The following GSG1L variants were observed in gnomAD, a reference collection of about 807,000 sequenced individuals.
GSG1L encodes GSG1 like.
Under a neutral mutation model 42.1 loss-of-function variants are expected in GSG1L, and 24 were observed. The observed-to-expected ratio is 0.57, with a 90% confidence interval of 0.41 to 0.80. GSG1L has a LOEUF of 0.80. GSG1L is among the 30% of genes least tolerant of loss of function. GSG1L has a pLI of 0.00. For missense variants in GSG1L, 445 were observed against 472.2 expected, an observed-to-expected ratio of 0.94 and a Z score of 0.53; for synonymous variants, 215 against 203.5, an observed-to-expected ratio of 1.06 and a Z score of -0.48.
intron 3 of GSG1L, among the ~76,000 whole-genome samples, chr16:27,868,952 T>A (rs761984924): frequency 1.3e-5 from 2 of 151,028 alleles, no homozygotes; most frequent in African/African-American, 4.9e-5. Context: ...GTTCCCTGGA[T>A]TGGGGAAAGG....
At chr16:27,990,651 G>A (rs1231110836) in intron 1 of GSG1L, among the ~76,000 whole-genome samples, 1 of 152,160 alleles carries the variant, frequency 6.6e-6, no homozygotes, top group African/African-American at 2.4e-5. Context: ...ACCTCAAGAA[G>A]AAAAGAATTC....
At chr16:27,849,197 C>CAAAAAAAA in intron 3 of GSG1L, among the ~76,000 whole-genome samples, 1 of 113,626 alleles carries the variant, frequency 8.8e-6, no homozygotes, top group Non-Finnish European at 1.9e-5. Flanking sequence ...GCCTCTATCC[C>CAAAAAAAA]AAAAAGAAAA....
At chr16:27,849,197 C>CCAAAAAAAAA (rs749482143) in intron 3 of GSG1L, among the ~76,000 whole-genome samples, 1 of 113,628 alleles carries the variant, frequency 8.8e-6, no homozygotes, top group African/African-American at 3.3e-5. Flanking sequence ...GCCTCTATCC[C>CCAAAAAAAAA]AAAAAGAAAA....
intron 1 of GSG1L, among the ~76,000 whole-genome samples, chr16:28,014,218 TTTGCACTA>T (rs2085755376): frequency 6.6e-6 from 1 of 152,160 alleles, no homozygotes; most frequent in South Asian, 2.1e-4. Flanking sequence ...GAAGATGACA[TTTGCACTA>T]AGCTGAAAGG....
intron 2 of GSG1L, among the ~76,000 whole-genome samples, chr16:27,955,833 A>G (rs1022341415): frequency 1.3e-5 from 2 of 151,596 alleles, no homozygotes; most frequent in Non-Finnish European, 2.9e-5. Flanking sequence ...AGCCCTAGAT[A>G]ATCATTGAGT....
chr16:27,872,282 C>G (rs929403785), intron 3 of GSG1L, among the ~76,000 whole-genome samples: 1 of 152,202 alleles, frequency 6.6e-6, no homozygotes, highest in Non-Finnish European at 1.5e-5. Context: ...CATGTCCAGT[C>G]CTAGCAGCAA....
At chr16:27,923,734 GA>G (rs11425016) in intron 2 of GSG1L, among the ~76,000 whole-genome samples, 13 of 129,054 alleles carry the variant, frequency 1.0e-4, no homozygotes, top group Non-Finnish European at 1.6e-4. Flanking sequence ...ACTCTGTCAA[GA>G]AAAAAAAAAA....
At chr16:28,006,554 C>T (rs1429709217) in intron 1 of GSG1L, among the ~76,000 whole-genome samples, 1 of 152,026 alleles carries the variant, frequency 6.6e-6, no homozygotes, top group Admixed American at 6.6e-5. Context: ...AGTGATCTGC[C>T]CACCTCGGCC....
At chr16:27,824,020 GATA>G in intron 5 of GSG1L, 1 of 677,428 alleles carries the variant, frequency 1.5e-6, no homozygotes, top group Admixed American at 2.0e-5. Flanking sequence ...CAGGGCCACA[GATA>G]ATAACGAGAT....
intron 2 of GSG1L, among the ~76,000 whole-genome samples, chr16:27,952,158 A>G (rs2084957346): frequency 6.6e-6 from 1 of 152,250 alleles, no homozygotes; most frequent in East Asian, 1.9e-4. Context: ...CCCACTATCT[A>G]TAACCTGGCC....
chr16:27,888,482 CCTTTCTTT>C lies in GSG1L; in HGVS notation c.398-3852_398-3845del, dbSNP rs57811717. 6.6e-3 allele frequency among the ~76,000 whole-genome samples: 451 copies of C among 68,462 alleles called. 2 individuals carry two copies. Among genetic ancestry groups the C allele is most frequent in the Non-Finnish European group, 7.0e-3 (250 of 35,582 alleles). 44.9% of individuals were successfully genotyped at this position (68,462 alleles called of 152,430 possible). A position where few individuals can be genotyped will look rare whatever the true frequency, so the allele number is the denominator to read the frequency against. The stretch of plus-strand genomic sequence containing the variant: ...TTTCTTTCTCTCTCTCTCTCTCTTT[CCTTTCTTT>C]CTTTCTTTCTTTCTTTCTTTCTTTC... On this transcript the variant is annotated intron_variant, in intron 2 of 6. Coordinates refer to ENST00000447459, the MANE Select transcript of GSG1L (RefSeq NM_001109763.2).
At chr16:27,993,305 T>C (rs905504740) in intron 1 of GSG1L, among the ~76,000 whole-genome samples, 10 of 152,118 alleles carry the variant, frequency 6.6e-5, no homozygotes, top group Non-Finnish European at 1.5e-4. Flanking sequence ...TGCACCACCA[T>C]GCCCAGCTAA....
intron 2 of GSG1L, among the ~76,000 whole-genome samples, chr16:27,938,960 G>C (rs2084753194): frequency 6.6e-6 from 1 of 152,050 alleles, no homozygotes; most frequent in African/African-American, 2.4e-5. Context: ...TGTGGCATTG[G>C]GACCCTCCGT....
chr16:28,030,986 G>A (rs189638807), intron 1 of GSG1L, among the ~76,000 whole-genome samples: 22 of 139,038 alleles, frequency 1.6e-4, no homozygotes, highest in African/African-American at 4.8e-4. Flanking sequence ...GATGGGTTGC[G>A]ATGGAATGGG....
chr16:27,975,594 C>T (rs2085241836), intron 1 of GSG1L, among the ~76,000 whole-genome samples: 1 of 152,164 alleles, frequency 6.6e-6, no homozygotes, highest in African/African-American at 2.4e-5. Flanking sequence ...GCACTGTGGG[C>T]TTAACCACTT....
chr16:28,009,336 T>G (rs2141154141), intron 1 of GSG1L, among the ~76,000 whole-genome samples: 1 of 152,234 alleles, frequency 6.6e-6, no homozygotes, highest in East Asian at 1.9e-4. Context: ...AAAGTGGCCT[T>G]CCTGACCCCC....
At chr16:27,808,707 C>T (rs1031655340) in intron 5 of GSG1L, among the ~76,000 whole-genome samples, 3 of 152,300 alleles carry the variant, frequency 2.0e-5, no homozygotes, top group South Asian at 2.1e-4. Context: ...GATAATTCTG[C>T]GTACTATCAA....
rs550241344 is a variant in GSG1L, at chr16:27,809,579, A to G, written c.831-2025T>C. Among the ~76,000 whole-genome samples the G allele has an allele frequency of 4.1e-3, 175 of 42,724 alleles. 1 individual carries two copies. The highest frequency in any genetic ancestry group is 3.2e-3 in the Non-Finnish European group (61 of 18,814). 28.0% of individuals were successfully genotyped at this position (42,724 alleles called of 152,430 possible). A position where few individuals can be genotyped will look rare whatever the true frequency, so the allele number is the denominator to read the frequency against. On this transcript the variant is annotated intron_variant, in intron 5 of 6. Coordinates refer to ENST00000447459, the MANE Select transcript of GSG1L (RefSeq NM_001109763.2). ...AGCAACAAGTGAGACCCCGTCTGAGAAAAAAAAAAAAACCAATCATTATTG... is the reference window on the plus strand; with the variant it reads ...AGCAACAAGTGAGACCCCGTCTGAGGAAAAAAAAAAAACCAATCATTATTG...
intron 1 of GSG1L, among the ~76,000 whole-genome samples, chr16:27,987,045 C>T (rs552426493): frequency 6.6e-6 from 1 of 152,140 alleles, no homozygotes; most frequent in South Asian, 2.1e-4. Context: ...GGTGAAACCC[C>T]GTCTCTACTA....
Sources: allele counts gnomAD v4.1 joint callset (sites outside exome capture counted in the v4.1 genomes callset), GRCh38; gene constraint gnomAD v4.1.1; transcripts MANE v1.5; gene names NCBI Gene and HGNC (gene_info 2026-07-23, HGNC 2026-07-21).